Variants in PPFIA1 observed in about 807,000 individuals in gnomAD.
PPFIA1 encodes liprin-alpha-1.
A neutral mutation model predicts 149.9 loss-of-function variants in PPFIA1; 25 were observed. The ratio of observed to expected loss-of-function variants is 0.17; its 90% CI spans 0.12 to 0.23. The LOEUF (loss-of-function observed/expected upper bound fraction) is 0.23, where lower values mean the gene tolerates loss of function less well. PPFIA1 is among the 10% of genes least tolerant of loss of function. The pLI, the probability that PPFIA1 is intolerant of heterozygous loss-of-function variation, is 1.00. For synonymous variants in PPFIA1, 549 were observed against 552.8 expected, an observed-to-expected ratio of 0.99 and a Z score of 0.10; for missense variants, 1,362 against 1,506.5, an observed-to-expected ratio of 0.90 and a Z score of 1.59.
chr11:70,338,517 G>C, intron 13 of PPFIA1, 64 bp downstream of exon 13: 1 of 1,358,240 alleles, frequency 7.4e-7, no homozygotes, highest in Non-Finnish European at 1.0e-6. Flanking sequence ...TCTTGGCTAT[G>C]TGGGCAGCCT....
chr11:70,273,978 T>C (rs1480273212), intron 2 of PPFIA1, among the ~76,000 whole-genome samples: 1 of 152,170 alleles, frequency 6.6e-6, no homozygotes, highest in African/African-American at 2.4e-5. Flanking sequence ...GTGGAGGTTG[T>C]CACACACACT....
intron 13 of PPFIA1, 26 bp from the exon 14 acceptor site, chr11:70,339,145 G>A (rs760894772): frequency 1.2e-6 from 2 of 1,611,020 alleles, no homozygotes; most frequent in Non-Finnish European, 1.7e-6. Flanking sequence ...TTCTAATAAT[G>A]ATCATTCTTA....
chr11:70,339,885 A>G (rs985384392), intron 14 of PPFIA1, among the ~76,000 whole-genome samples: 5 of 152,104 alleles, frequency 3.3e-5, no homozygotes, highest in Non-Finnish European at 7.4e-5. Flanking sequence ...GCACAGTGGC[A>G]GGTGCCTATA....
intron 2 of PPFIA1, among the ~76,000 whole-genome samples, chr11:70,306,651 A>G (rs181208180): frequency 1.2e-4 from 19 of 152,382 alleles, no homozygotes; most frequent in Admixed American, 9.8e-4. Context: ...CTTTAAGAGA[A>G]GATTGTCAGA....
intron 2 of PPFIA1, among the ~76,000 whole-genome samples, chr11:70,305,790 C>G (rs2052807325): frequency 6.6e-6 from 1 of 152,112 alleles, no homozygotes; most frequent in South Asian, 2.1e-4. Flanking sequence ...TTGGGAGGTT[C>G]TCACTCAAAA....
At chr11:70,282,518 ATTTTTTTTT>A (rs869216935) in intron 2 of PPFIA1, 7,906 of 71,342 alleles carry the variant, frequency 0.11, 254 homozygotes, top group East Asian at 0.22. Context: ...TTGAGTGCTG[ATTTTTTTTT>A]TTTTTTTTTT....
At chr11:70,303,308 C>T (rs759502057) in intron 2 of PPFIA1, among the ~76,000 whole-genome samples, 1 of 152,126 alleles carries the variant, frequency 6.6e-6, no homozygotes, top group African/African-American at 2.4e-5. Flanking sequence ...TCTTGGAAAG[C>T]GGTCTCAGAA....
chr11:70,293,295 T>G (rs1565352736), intron 2 of PPFIA1, among the ~76,000 whole-genome samples: 1 of 152,250 alleles, frequency 6.6e-6, no homozygotes, highest in Non-Finnish European at 1.5e-5. Flanking sequence ...AGAAACTTTT[T>G]CACAGTGCAG....
intron 2 of PPFIA1, among the ~76,000 whole-genome samples, chr11:70,281,966 T>A (rs950484368): frequency 6.6e-6 from 1 of 152,054 alleles, no homozygotes; most frequent in Non-Finnish European, 1.5e-5. Context: ...TCTGGAGACA[T>A]TGGTTATCAT....
chr11:70,366,801 AC>A (rs1310259277), intron 21 of PPFIA1, among the ~76,000 whole-genome samples: 3 of 151,886 alleles, frequency 2.0e-5, no homozygotes, highest in Admixed American at 6.6e-5. Context: ...TTCTCTTGGT[AC>A]TCCTAAAATC....
intron 17 of PPFIA1, 101 bp from the exon 18 acceptor site, chr11:70,355,538 T>C: frequency 8.8e-7 from 1 of 1,130,402 alleles, no homozygotes; most frequent in South Asian, 1.6e-5. Flanking sequence ...GGAAGATGTG[T>C]GTGAAAGAGA....
At chr11:70,314,879 G>A (rs1362212214) in intron 2 of PPFIA1, among the ~76,000 whole-genome samples, 2 of 152,158 alleles carry the variant, frequency 1.3e-5, no homozygotes, top group South Asian at 2.1e-4. Context: ...TCACAGTTCC[G>A]CATGGCTGGG....
intron 14 of PPFIA1, among the ~76,000 whole-genome samples, chr11:70,343,460 G>A (rs1205052353): frequency 6.6e-6 from 1 of 152,180 alleles, no homozygotes; most frequent in East Asian, 1.9e-4. Flanking sequence ...ATGTTAGGGC[G>A]TTAATATCAC....
intron 2 of PPFIA1, among the ~76,000 whole-genome samples, chr11:70,294,672 C>G (rs2051774903): frequency 6.6e-6 from 1 of 151,512 alleles, no homozygotes; most frequent in Non-Finnish European, 1.5e-5. Context: ...ACAAAGGTCT[C>G]TGGTTTTCCT....
intron 2 of PPFIA1, among the ~76,000 whole-genome samples, chr11:70,286,780 CAG>C (rs2051160703): frequency 8.1e-6 from 1 of 123,358 alleles, no homozygotes; most frequent in African/African-American, 3.1e-5. Flanking sequence ...TTTTTTGAGA[CAG>C]GGTCTCACTT....
At chr11:70,324,635 A>G (rs1308934560) in intron 3 of PPFIA1, 132 bp downstream of exon 3, 2 of 899,792 alleles carry the variant, frequency 2.2e-6, no homozygotes, top group Non-Finnish European at 3.5e-6. Context: ...CACTGAGCAG[A>G]CTGTGATTAG....
chr11:70,361,844 T>C (rs1040172913), intron 19 of PPFIA1, among the ~76,000 whole-genome samples: 3 of 151,782 alleles, frequency 2.0e-5, no homozygotes, highest in African/African-American at 7.3e-5. Flanking sequence ...AGGCTGCTCT[T>C]GAACTACTGG....
At chr11:70,322,518 C>T (rs887154824) in intron 2 of PPFIA1, among the ~76,000 whole-genome samples, 1 of 152,178 alleles carries the variant, frequency 6.6e-6, no homozygotes, top group African/African-American at 2.4e-5. Context: ...TGCGTTCGAT[C>T]TCTGAAGAGG....
intron 2 of PPFIA1, among the ~76,000 whole-genome samples, chr11:70,295,964 A>C (rs1443422109): frequency 1.4e-5 from 2 of 145,570 alleles, no homozygotes; most frequent in African/African-American, 5.2e-5. Context: ...CCCTTCTCAG[A>C]TGGGGCGGCT....
Sources: gnomAD v4.1 joint callset for allele counts (sites outside exome capture counted in the v4.1 genomes callset) on GRCh38, gnomAD v4.1.1 for gene constraint, MANE v1.5 for transcripts, NCBI Gene and HGNC (gene_info 2026-07-23, HGNC 2026-07-21) for gene names.